The following GAPVD1 variants were observed in gnomAD, a reference collection of about 807,000 sequenced individuals.
GAPVD1 encodes the protein GTPase activating protein and VPS9 domains 1, also known as GTPase-activating protein and VPS9 domain-containing protein 1.
GAPVD1 carries 35 observed loss-of-function variants against 155.5 expected under a neutral mutation model. That is an observed-to-expected ratio of 0.23 (90% CI 0.17 to 0.30). The LOEUF (loss-of-function observed/expected upper bound fraction) is 0.30, where lower values mean the gene tolerates loss of function less well. Ranked by LOEUF, GAPVD1 falls within the 10% of genes least tolerant of loss-of-function variation. The pLI is 1.00. For synonymous variants in GAPVD1, 636 were observed against 619.7 expected, an observed-to-expected ratio of 1.03 and a Z score of -0.39; for missense variants, 1,429 against 1,775.7, an observed-to-expected ratio of 0.80 and a Z score of 3.51.
At chr9:125,326,786 C>A (rs1317299489) in intron 12 of GAPVD1, among the ~76,000 whole-genome samples, 197 bp downstream of exon 12, 1 of 150,954 alleles carries the variant, frequency 6.6e-6, no homozygotes, top group Non-Finnish European at 1.5e-5. Flanking sequence ...TTCCTTTCTA[C>A]ATTTAATCCC....
chr9:125,279,825 A>G (rs1345153912), intron 2 of GAPVD1, among the ~76,000 whole-genome samples: 1 of 148,964 alleles, frequency 6.7e-6, no homozygotes, highest in African/African-American at 2.5e-5. Flanking sequence ...CAATGGCGAG[A>G]TCTTGGCTCC....
chr9:125,315,818 T>C (rs971371927), intron 9 of GAPVD1, among the ~76,000 whole-genome samples: 1 of 152,012 alleles, frequency 6.6e-6, no homozygotes, highest in Non-Finnish European at 1.5e-5. Context: ...GTTGTACACA[T>C]ACCCAGGGCT....
chr9:125,349,928 G>A (rs1849069277), intron 21 of GAPVD1, among the ~76,000 whole-genome samples: 1 of 152,116 alleles, frequency 6.6e-6, no homozygotes, highest in Non-Finnish European at 1.5e-5. Flanking sequence ...CTAAAGAGAT[G>A]TGCCAGAAGG....
intron 13 of GAPVD1, 38 bp from the exon 14 acceptor site, chr9:125,331,888 G>T: frequency 6.2e-7 from 1 of 1,606,940 alleles, no homozygotes; most frequent in South Asian, 1.1e-5. Flanking sequence ...TGTGCTAAGA[G>T]AATCACAAAT....
chr9:125,269,480 T>G (rs562520932), intron 2 of GAPVD1, among the ~76,000 whole-genome samples: 40 of 152,096 alleles, frequency 2.6e-4, no homozygotes, highest in Non-Finnish European at 4.6e-4. Flanking sequence ...TTTCAGGATA[T>G]TTTAGTTTTT....
chr9:125,329,995 A>G (rs1588983181), intron 12 of GAPVD1, 83 bp from the exon 13 acceptor site: 2 of 1,127,908 alleles, frequency 1.8e-6, no homozygotes, highest in Non-Finnish European at 2.5e-6. Flanking sequence ...AGATTTTGTT[A>G]GCTAGTGTTT....
At chr9:125,310,634 G>T (rs1411579445) in intron 8 of GAPVD1, among the ~76,000 whole-genome samples, 8 of 150,322 alleles carry the variant, frequency 5.3e-5, no homozygotes, top group African/African-American at 2.0e-4. Context: ...CTGCCTCCTG[G>T]GTTCAAGCCA....
chr9:125,309,174 A>T (rs1402892736), intron 8 of GAPVD1: 1 of 152,174 alleles, frequency 6.6e-6, no homozygotes, highest in Admixed American at 6.5e-5. Flanking sequence ...TCTTAAAATT[A>T]ATCTACCTTA....
intron 2 of GAPVD1, among the ~76,000 whole-genome samples, chr9:125,292,558 A>C (rs757643565): frequency 6.6e-6 from 1 of 151,794 alleles, no homozygotes; most frequent in African/African-American, 2.4e-5. Flanking sequence ...AAGCCCGGCT[A>C]ATTTTTGTAT....
intron 2 of GAPVD1, among the ~76,000 whole-genome samples, chr9:125,269,528 C>T (rs888772071): frequency 2.7e-5 from 4 of 150,584 alleles, no homozygotes; most frequent in Admixed American, 1.3e-4. Flanking sequence ...CTCGTTCTGT[C>T]GCCCAGGCTG....
chr9:125,307,307 G>T (rs1357326640), intron 6 of GAPVD1, 106 bp from the exon 7 acceptor site: 17 of 694,954 alleles, frequency 2.4e-5, no homozygotes, highest in African/African-American at 9.2e-5. Context: ...AAAAAAATAT[G>T]ATTTTTAAGA....
intron 9 of GAPVD1, among the ~76,000 whole-genome samples, chr9:125,316,874 C>T (rs2131371330): frequency 6.6e-6 from 1 of 152,296 alleles, no homozygotes; most frequent in Middle Eastern, 3.4e-3. Context: ...TGAAAGTGTT[C>T]CTGTTTCTCC....
At position 125,312,463 on chromosome 9, in the gene GAPVD1, A is replaced by G; in HGVS notation, c.1453A>G (p.Arg485Gly). The change falls in exon 9 of 28, where the codon AGA becomes GGA. Residue 485 changes from arginine (R) to glycine (G), a missense_variant. Coordinates refer to ENST00000297933, the MANE Select transcript of GAPVD1 (RefSeq NM_001282680.3). ...AAATTTTTTATTAGCAACTCGGAGC[A>G]GAAGCCGCACCAATATGCTAATGGA... is the stretch of plus-strand genomic sequence containing the variant. ...KNRLPIATRS[R>G]SRTNMLMDLH... The G allele has an allele frequency of 6.3e-7, 1 of 1,584,356 alleles. No homozygotes were observed. The highest frequency in any genetic ancestry group is 8.5e-7 in the Non-Finnish European group (1 of 1,169,746).
chr9:125,295,786 T>C (rs1374835599), intron 3 of GAPVD1, among the ~76,000 whole-genome samples: 1 of 152,136 alleles, frequency 6.6e-6, no homozygotes, highest in African/African-American at 2.4e-5. Flanking sequence ...ATTTCTAAAT[T>C]GCATGAATTG....
Position 125,296,973 on chromosome 9 carries a change from G to A in GAPVD1, c.-33+1399G>A, listed in dbSNP as rs115097674. Reference sequence around the variant, plus strand: ...CCGTGCCCAACCCAAGAAATTTTTTGCTAACTTGATGACTGTCTGCTGCCC... The same window carrying A: ...CCGTGCCCAACCCAAGAAATTTTTTACTAACTTGATGACTGTCTGCTGCCC... On this transcript the variant is annotated intron_variant, in intron 3 of 27. Transcript: ENST00000297933. Among the ~76,000 whole-genome samples the A allele has an allele frequency of 1.3e-3, 195 of 152,170 alleles. 1 individual carries two copies. Among genetic ancestry groups the A allele is most frequent in the African/African-American group, 4.4e-3 (183 of 41,538 alleles).
At position 125,362,779 on chromosome 9, in the gene GAPVD1, T is replaced by C. The variant is rs1437997350; in HGVS notation, c.*33T>C. On this transcript the variant is annotated 3_prime_UTR_variant, in exon 28 of 28. Transcript: ENST00000297933. ...CAAGGCCCACCAAGGCAGCAGACTG[T>C]TAATCAGACAAACAGATCTCTGAGA... 1 of 1,601,316 alleles carries C rather than the reference T, an allele frequency of 6.2e-7. No homozygotes were observed. The highest frequency in any genetic ancestry group is 8.5e-7 in the Non-Finnish European group (1 of 1,172,838).
At chr9:125,315,469 C>T (rs1258321932) in intron 9 of GAPVD1, among the ~76,000 whole-genome samples, 4 of 152,178 alleles carry the variant, frequency 2.6e-5, no homozygotes, top group Admixed American at 6.6e-5. Context: ...TATTACTGTG[C>T]AGTGTGCTGG....
chr9:125,299,163 A>C, intron 4 of GAPVD1, 57 bp downstream of exon 4: 2 of 853,048 alleles, frequency 2.3e-6, no homozygotes, highest in Non-Finnish European at 3.6e-6. Flanking sequence ...TCTGTAAATA[A>C]ATTAGTAACT....
intron 1 of GAPVD1, chr9:125,263,835 T>C: frequency 1.7e-6 from 2 of 1,170,668 alleles, no homozygotes; most frequent in South Asian, 2.4e-5. Context: ...GGGTAGCAGG[T>C]ACAGTCTCCG....
Sources: gnomAD v4.1 joint callset for allele counts (sites outside exome capture counted in the v4.1 genomes callset) on GRCh38, gnomAD v4.1.1 for gene constraint, MANE v1.5 for transcripts, NCBI Gene and HGNC (gene_info 2026-07-23, HGNC 2026-07-21) for gene names.